Variants in SEC31B observed in about 807,000 individuals in gnomAD.
The protein encoded by SEC31B is SEC31 homolog B, COPII component.
A neutral mutation model predicts 135.0 loss-of-function variants in SEC31B; 113 were observed. The observed-to-expected ratio is 0.84, with a 90% confidence interval of 0.72 to 0.98. The LOEUF (loss-of-function observed/expected upper bound fraction) is 0.98, where lower values mean the gene tolerates loss of function less well. Among genes scored for constraint, SEC31B ranks in the 50% least tolerant of loss-of-function variants. The pLI is 0.00. For missense variants in SEC31B, 1,296 were observed against 1,421.1 expected (o/e 0.91, Z 1.42); for synonymous variants, 508 against 549.4 (o/e 0.92, Z 1.05).
At chr10:100,491,427 C>T (rs1212285607) in intron 19 of SEC31B, among the ~76,000 whole-genome samples, 1 of 152,156 alleles carries the variant, frequency 6.6e-6, no homozygotes, top group Non-Finnish European at 1.5e-5. Context: ...ATGCCAGCAA[C>T]AGAAAAAGAT....
In SEC31B at chr10:100,494,391, C is replaced by G. The variant is rs571628958; in HGVS notation, c.2472+994G>C. On this transcript the variant is annotated intron_variant, in intron 19 of 25. Coordinates refer to ENST00000370345, the MANE Select transcript of SEC31B (RefSeq NM_015490.4). ...CTCCAGCCTGGCCCTTCCTAACATA[C>G]AGCTAATTATGTCACTCTTCCTAAA... is the stretch of plus-strand genomic sequence containing the variant. Among the ~76,000 whole-genome samples, 7 of 152,336 alleles carry G rather than the reference C, an allele frequency of 4.6e-5. No homozygotes were observed. The East Asian group carries it at 1.3e-3, about 29-fold the overall frequency.
At chr10:100,519,658 G>A (rs1198678720) in intron 1 of SEC31B, 124 bp downstream of exon 1, 3 of 152,290 alleles carry the variant, frequency 2.0e-5, no homozygotes, top group Non-Finnish European at 4.4e-5. Context: ...GGCAGGGCAG[G>A]CGCGGGCCGG....
chr10:100,496,328 T>C lies in SEC31B; in HGVS notation c.2240A>G (p.Tyr747Cys). The change falls in exon 18 of 26, where the codon TAT becomes TGT. Residue 747 changes from tyrosine to cysteine, a missense_variant. By Grantham distance (194) the Tyr-to-Cys change is radical (BLOSUM62 -2). Coordinates refer to ENST00000370345, the MANE Select transcript of SEC31B (RefSeq NM_015490.4). Reference protein sequence around the residue: ...GPATTYRVTQYANLLAAQGSL... With the variant: ...GPATTYRVTQCANLLAAQGSL... ...GCCCTGGGCTGCCAGGAGGTTGGCA[T>C]ACTGAGTGACCCTGTAGGTTGTGGC... The C allele has an allele frequency of 3.1e-6, 5 of 1,614,228 alleles. No homozygotes were observed. The highest frequency in any genetic ancestry group is 4.2e-6 in the Non-Finnish European group (5 of 1,180,034).
chr10:100,497,925 A>G, intron 15 of SEC31B, 104 bp downstream of exon 15: 1 of 1,578,500 alleles, frequency 6.3e-7, no homozygotes, highest in South Asian at 1.1e-5. Context: ...GAGTAGAAAG[A>G]GAGAGGCAGG....
At position 100,497,230 on chromosome 10, in the gene SEC31B, C is replaced by T. The variant is rs149827193; in HGVS notation, c.2041G>A (p.Glu681Lys). ...GAGCACACATAACAGAGTCTGGCTT[C>T]GGAGGTTAGTGCCCTGCTGCCCTCC... The part of the protein sequence containing the change: ...EQEGSRALTS[E>K]ARLCYVCSGS... The change falls in exon 17 of 26, where the codon GAA becomes AAA. Residue 681 changes from glutamate (E) to lysine (K), a missense_variant. Glu to Lys is a moderately conservative substitution (Grantham distance 56). Coordinates refer to ENST00000370345, the MANE Select transcript of SEC31B (RefSeq NM_015490.4). The T allele has an allele frequency of 2.5e-4, 403 of 1,614,196 alleles. 1 individual carries two copies. The highest frequency in any genetic ancestry group is 2.0e-3 in the Middle Eastern group (12 of 6,062).
At chr10:100,509,965 C>T (rs1222299395) in intron 3 of SEC31B, among the ~76,000 whole-genome samples, 1 of 152,164 alleles carries the variant, frequency 6.6e-6, no homozygotes, top group East Asian at 1.9e-4. Context: ...GAACATTTAA[C>T]AACCTCATGA....
At chr10:100,489,866 C>A in intron 21 of SEC31B, 105 bp from the exon 22 acceptor site, 1 of 1,573,984 alleles carries the variant, frequency 6.4e-7, no homozygotes, top group Non-Finnish European at 8.6e-7. Context: ...CACCATACCT[C>A]CCTCTGCAGA....
chr10:100,505,738 T>C (rs559321327), intron 9 of SEC31B: 45 of 1,413,380 alleles, frequency 3.2e-5, no homozygotes, highest in African/African-American at 1.6e-4. Context: ...AATGGATCTA[T>C]AGAAGAGAGA....
chr10:100,500,600 G>A (rs1432494549), intron 11 of SEC31B, among the ~76,000 whole-genome samples: 2 of 152,092 alleles, frequency 1.3e-5, no homozygotes, highest in Non-Finnish European at 2.9e-5. Context: ...ACAGGCGTGA[G>A]CCACCGCACC....
intron 3 of SEC31B, among the ~76,000 whole-genome samples, chr10:100,513,717 G>A (rs1271461896): frequency 2.6e-5 from 4 of 151,848 alleles, no homozygotes; most frequent in Admixed American, 6.6e-5. Flanking sequence ...CGATCCACCC[G>A]TCTCAGCCTC....
chr10:100,498,818 G>C lies in SEC31B; in HGVS notation c.1585-14C>G. 1 of 1,576,370 alleles carries C rather than the reference G, an allele frequency of 6.3e-7. No homozygotes were observed. The highest frequency in any genetic ancestry group is 8.7e-7 in the Non-Finnish European group (1 of 1,146,252). ...GTGTTTGGAGGCCTGTATGAGGAAG[G>C]ACAGAGGTGACTACTTAGGGATGAA... On this transcript the variant is annotated splice_polypyrimidine_tract_variant and intron_variant, in intron 13 of 25. Coordinates refer to ENST00000370345, the MANE Select transcript of SEC31B (RefSeq NM_015490.4).
chr10:100,507,609 C>T (rs1234039544), intron 6 of SEC31B, 42 bp from the exon 7 acceptor site: 2 of 1,610,032 alleles, frequency 1.2e-6, no homozygotes, highest in Non-Finnish European at 1.7e-6. Flanking sequence ...TAACCTGACT[C>T]TTTTGCCCAG....
intron 19 of SEC31B, among the ~76,000 whole-genome samples, chr10:100,493,049 G>A (rs946600259): frequency 6.6e-6 from 1 of 152,072 alleles, no homozygotes; most frequent in Non-Finnish European, 1.5e-5. Flanking sequence ...GAAACTATCC[G>A]AATGTCCTTC....
At chr10:100,493,730 T>C (rs944181765) in intron 19 of SEC31B, among the ~76,000 whole-genome samples, 1 of 152,108 alleles carries the variant, frequency 6.6e-6, no homozygotes, top group African/African-American at 2.4e-5. Context: ...TAAACACACA[T>C]AAACACACAC....
chr10:100,497,443 T>C (rs1589733501), intron 16 of SEC31B, 163 bp from the exon 17 acceptor site: 1 of 1,476,712 alleles, frequency 6.8e-7, no homozygotes, highest in Non-Finnish European at 9.0e-7. Flanking sequence ...AGTTCTCACA[T>C]CATGGTGTGA....
At chr10:100,508,735 T>C (rs569214885) in intron 5 of SEC31B, 1 of 512,400 alleles carries the variant, frequency 2.0e-6, no homozygotes, top group East Asian at 3.7e-5. Context: ...CATCCCTTCT[T>C]GTGGTGTCTT....
intron 14 of SEC31B, 109 bp downstream of exon 14, chr10:100,498,596 G>T: frequency 1.3e-6 from 1 of 752,920 alleles, no homozygotes; most frequent in Non-Finnish European, 2.2e-6. Flanking sequence ...TTGAGACGGT[G>T]GGAGGAAGGC....
Position 100,495,371 on chromosome 10 carries a change from A to C in SEC31B, c.2472+14T>G. ...TTATTGAATGAACAAATGAATGAAC[A>C]AACGAGGTCTTACCTGGTGAGAAGG... On this transcript the variant is annotated intron_variant, in intron 19 of 25. Transcript: ENST00000370345. The C allele has an allele frequency of 6.2e-7, 1 of 1,610,580 alleles. No homozygotes were observed. Among genetic ancestry groups the C allele is most frequent in the South Asian group, 1.1e-5 (1 of 90,138 alleles).
chr10:100,514,483 A>G (rs1301188926), intron 3 of SEC31B, among the ~76,000 whole-genome samples: 1 of 152,070 alleles, frequency 6.6e-6, no homozygotes, highest in Non-Finnish European at 1.5e-5. Context: ...GGCTAAGAGT[A>G]TCTAATCATC....
Sources: allele counts gnomAD v4.1 joint callset (sites outside exome capture counted in the v4.1 genomes callset), GRCh38; gene constraint gnomAD v4.1.1; transcripts MANE v1.5; gene names NCBI Gene and HGNC (gene_info 2026-07-23, HGNC 2026-07-21).